The following RNF213 variants were observed in gnomAD, a reference collection of about 807,000 sequenced individuals.
RNF213 encodes the protein ring finger protein 213, also known as E3 ubiquitin-protein ligase RNF213.
Under a neutral mutation model 514.4 loss-of-function variants are expected in RNF213, and 341 were observed. The observed-to-expected ratio is 0.66, with a 90% CI of 0.61 to 0.73. The LOEUF is 0.73. Ranked by LOEUF, RNF213 falls within the 30% of genes least tolerant of loss-of-function variation. The pLI, the probability that RNF213 is intolerant of heterozygous loss-of-function variation, is 0.00. For synonymous variants in RNF213, 2,655 were observed against 2,658.2 expected (o/e 1.00, Z 0.04); for missense variants, 5,767 against 6,615.6 (o/e 0.87, Z 4.45).
intron 62 of RNF213, 109 bp downstream of exon 62, chr17:80,386,539 C>T: frequency 4.2e-6 from 6 of 1,421,730 alleles, no homozygotes; most frequent in Non-Finnish European, 5.9e-6. Context: ...ACACTCACTC[C>T]TTCAGCCGCC....
chr17:80,364,952 C>T (rs1020146425), intron 42 of RNF213: 1 of 309,044 alleles, frequency 3.2e-6, no homozygotes, highest in Middle Eastern at 1.2e-3. Flanking sequence ...CAGAGAATGC[C>T]ACCGGGGTTT....
Position 80,346,153 on chromosome 17 carries a change from C to T in RNF213, c.7818C>T (p.Ser2606=). 1.2e-6 allele frequency: 2 copies of T among 1,614,154 alleles called. No individual in the cohort carries two copies. Among genetic ancestry groups the T allele is most frequent in the African/African-American group, 2.7e-5 (2 of 75,014 alleles). Residue 2606 remains serine (S), a synonymous_variant, in exon 29 of 68, where the codon AGC becomes AGT. Coordinates refer to ENST00000582970, the MANE Select transcript of RNF213 (RefSeq NM_001256071.3). The surrounding 1 kb of genome is among the most constrained non-coding windows in gnomAD (Gnocchi z 8.1). ...QIVQRLVESI[S]LDENGTRVIT... is the part of the protein sequence containing the mutation. ...TCCAGAGACTGGTTGAGTCCATCAGCCTAGATGAAAACGGGACTCGCGTGA... is the reference window on the plus strand; with the variant it reads ...TCCAGAGACTGGTTGAGTCCATCAGTCTAGATGAAAACGGGACTCGCGTGA...
chr17:80,291,630 A>T lies in RNF213; in HGVS notation c.1274A>T (p.Asp425Val). ...AACCGTATCCTGTTCATTCACAGAG[A>T]CTTGGGTCATGACCGCGTTCTTGTT... Reference protein sequence around the residue: ...SNICELHYTRDLGHDRVLVEG... With the variant: ...SNICELHYTRVLGHDRVLVEG... Residue 425 changes from aspartate to valine, a missense_variant and splice_region_variant, in exon 8 of 68, where the codon GAC becomes GTC. Asp to Val is a radical substitution (Grantham distance 152, BLOSUM62 -3). Around this residue, in one of 13 missense-constraint regions of RNF213, gnomAD observed 592 missense variants for 673.9 expected, o/e 0.88. Transcript: ENST00000582970. 1 of 1,614,186 alleles carries T rather than the reference A, an allele frequency of 6.2e-7. No homozygotes were observed.
chr17:80,381,869 G>A (rs1327048498), intron 57 of RNF213, 142 bp downstream of exon 57: 6 of 841,608 alleles, frequency 7.1e-6, no homozygotes, highest in Admixed American at 2.2e-5. Flanking sequence ...AGAACACACA[G>A]AGAGAAAACC....
At chr17:80,366,746 A>G (rs549808400) in intron 42 of RNF213, among the ~76,000 whole-genome samples, 2 of 152,348 alleles carry the variant, frequency 1.3e-5, no homozygotes, top group Admixed American at 1.3e-4. Flanking sequence ...CAAAATGTAG[A>G]GAGAAAGCAT....
chr17:80,284,781 G>C (rs1204772585), intron 3 of RNF213, among the ~76,000 whole-genome samples: 1 of 152,130 alleles, frequency 6.6e-6, no homozygotes, highest in East Asian at 1.9e-4. Context: ...CTTCCCCTGT[G>C]ATCCACCTGC....
chr17:80,375,921 T>C (rs1290121836), intron 51 of RNF213, 51 bp downstream of exon 51: 1 of 1,258,782 alleles, frequency 7.9e-7, no homozygotes, highest in South Asian at 1.2e-5. Context: ...TTTGGAGGGA[T>C]TTTATTGAAT....
At chr17:80,364,343 G>T (rs755333156) in intron 41 of RNF213, 90 bp from the exon 42 acceptor site, 8 of 1,585,364 alleles carry the variant, frequency 5.0e-6, no homozygotes, top group African/African-American at 1.3e-5. Flanking sequence ...CCCGGGTCCC[G>T]CATCTCTTCT....
At position 80,363,245 on chromosome 17, in the gene RNF213, C is replaced by T; in HGVS notation, c.11499C>T (p.Thr3833=). 6.2e-7 allele frequency: 1 copy of T among 1,614,124 alleles called. No homozygotes were observed. Among genetic ancestry groups the T allele is most frequent in the Non-Finnish European group, 8.5e-7 (1 of 1,180,034 alleles). The change falls in exon 40 of 68, where the codon ACC becomes ACT. Residue 3833 remains threonine, a synonymous_variant. Transcript: ENST00000582970. Reference sequence around the variant, plus strand: ...TGCAGAACTTTTCCAGAATCCTGACCATCTACCCTCAGGTTCTCCACAGCC... The same window carrying T: ...TGCAGAACTTTTCCAGAATCCTGACTATCTACCCTCAGGTTCTCCACAGCC... ...SRLQNFSRIL[T]IYPQVLHSLM... is the part of the protein sequence containing the mutation.
At position 80,287,901 on chromosome 17, in the gene RNF213, C is replaced by T. The variant is rs770880299; in HGVS notation, c.348C>T (p.Ser116=). 9 of 1,578,794 alleles carry T rather than the reference C, an allele frequency of 5.7e-6. No individual in the cohort carries two copies. Among genetic ancestry groups the T allele is most frequent in the Non-Finnish European group, 7.7e-6 (9 of 1,162,456 alleles). ...CTTCCTTGCCCCTTTCTCCTGCCAG[C>T]CCCTGTCACCTGACTTTGCTTTCAA... ...ELASLPLSPA[S]PCHLTLLSNP... The change falls in exon 4 of 68, where the codon AGC becomes AGT. Residue 116 remains serine, a synonymous_variant. Transcript: ENST00000582970.
rs201991792 is a variant in RNF213 at position 80,294,945 on chromosome 17, C to T, written c.1697C>T (p.Pro566Leu). ...FEQFCFVLQQ[P>L]MIYEGQAQLW... is the part of the protein sequence containing the mutation. Reference sequence around the variant, plus strand: ...CAGTTTTGCTTTGTCCTGCAACAGCCTATGATTTATGAAGGACAGGCACAG... The same window carrying T: ...CAGTTTTGCTTTGTCCTGCAACAGCTTATGATTTATGAAGGACAGGCACAG... Residue 566 changes from proline (P) to leucine (L), a missense_variant, in exon 9 of 68, where the codon CCT becomes CTT. Physicochemically the swap from Pro to Leu is moderately conservative, Grantham distance 98. Coordinates refer to ENST00000582970, the MANE Select transcript of RNF213 (RefSeq NM_001256071.3). 1 of 1,614,166 alleles carries T rather than the reference C, an allele frequency of 6.2e-7. No individual in the cohort carries two copies. Among genetic ancestry groups the T allele is most frequent in the Admixed American group, 1.7e-5 (1 of 60,010 alleles).
chr17:80,280,917 C>T (rs1935167749), intron 3 of RNF213, among the ~76,000 whole-genome samples: 1 of 152,022 alleles, frequency 6.6e-6, no homozygotes, highest in South Asian at 2.1e-4. Context: ...TGGGGATGCG[C>T]ACGGAGCATG....
chr17:80,354,755 C>A, intron 36 of RNF213, 179 bp downstream of exon 36: 1 of 731,468 alleles, frequency 1.4e-6, no homozygotes, highest in Non-Finnish European at 2.3e-6. Context: ...TGGACAGTGG[C>A]CAAATGGCAG....
At chr17:80,338,102 G>C in intron 25 of RNF213, 105 bp downstream of exon 25, 2 of 1,352,670 alleles carry the variant, frequency 1.5e-6, no homozygotes, top group Non-Finnish European at 2.0e-6. Flanking sequence ...GGATTTGACT[G>C]ATAAGAAGGG....
chr17:80,346,965 A>G lies in RNF213; in HGVS notation c.8630A>G (p.Lys2877Arg). The G allele has an allele frequency of 6.2e-7, 1 of 1,613,904 alleles. No individual in the cohort carries two copies. The highest frequency in any genetic ancestry group is 8.5e-7 in the Non-Finnish European group (1 of 1,179,900). Residue 2877 changes from lysine to arginine, a missense_variant, in exon 29 of 68, where the codon AAA becomes AGA. By Grantham distance (26) the Lys-to-Arg change is conservative. Transcript: ENST00000582970. This position sits in a 1 kb window ranked among gnomAD's most constrained non-coding sequence, Gnocchi z 8.1. ...GCIEDDPAPH[K>R]KVGFVGISNW... ...ATTGAAGACGATCCCGCCCCCCACA[A>G]AAAGGTCGGCTTCGTGGGCATCTCC...
At chr17:80,371,767 T>TAC (rs111992928) in intron 46 of RNF213, 107 bp from the exon 47 acceptor site, 111,170 of 667,028 alleles carry the variant, frequency 0.17, 6,745 homozygotes, top group Non-Finnish European at 0.19. Flanking sequence ...TATATGTTTA[T>TAC]ACACACACAC....
chr17:80,358,553 G>A (rs1451997950), intron 37 of RNF213, 74 bp downstream of exon 37: 2 of 1,389,396 alleles, frequency 1.4e-6, no homozygotes, highest in African/African-American at 2.8e-5. Flanking sequence ...GCTCTCCCAA[G>A]TGCTGGGTGA....
In RNF213 at chr17:80,298,450, G is replaced by C; in HGVS notation, c.2142G>C (p.Gln714His). Residue 714 changes from glutamine to histidine, a missense_variant, in exon 11 of 68, where the codon CAG (glutamine) becomes CAC (histidine). Coordinates refer to ENST00000582970, the MANE Select transcript of RNF213 (RefSeq NM_001256071.3). ...CGCGGCACAAGGATGCCTGGAGACA[G>C]CCTGAGGACACCTGGGCCGCTCTGG... ...LAPRHKDAWR[Q>H]PEDTWAALEG... 10 of 1,614,194 alleles carry C rather than the reference G, an allele frequency of 6.2e-6. No homozygotes were observed. The highest frequency in any genetic ancestry group is 8.5e-6 in the Non-Finnish European group (10 of 1,180,038).
chr17:80,367,890 A>C (rs1400926049), intron 43 of RNF213, 42 bp downstream of exon 43: 1 of 1,613,346 alleles, frequency 6.2e-7, no homozygotes, highest in East Asian at 2.2e-5. Flanking sequence ...AGAATTCTGA[A>C]CCTCTCGTGG....
Sources: gnomAD v4.1 joint callset for allele counts (sites outside exome capture counted in the v4.1 genomes callset) on GRCh38, gnomAD v4.1.1 for gene constraint, gnomAD v4.1.1 regional missense constraint, Gnocchi (gnomAD v3.1) non-coding constraint, MANE v1.5 for transcripts, NCBI Gene and HGNC (gene_info 2026-07-23, HGNC 2026-07-21) for gene names.